Variants in ABCC2 observed in about 807,000 individuals in gnomAD.
ABCC2 encodes ATP-binding cassette sub-family C member 2.
Under a neutral mutation model 173.4 loss-of-function variants are expected in ABCC2, and 157 were observed. The observed-to-expected ratio is 0.91, with a 90% CI of 0.80 to 1.03. ABCC2 has a LOEUF of 1.03. ABCC2 is among the 50% of genes least tolerant of loss of function. The pLI is 0.00. For missense variants in ABCC2, 1,822 were observed against 1,852.3 expected (o/e 0.98, Z 0.30); for synonymous variants, 657 against 693.5 (o/e 0.95, Z 0.83).
chr10:99,786,884 TC>T (rs1319018026), intron 2 of ABCC2, among the ~76,000 whole-genome samples: 1 of 151,876 alleles, frequency 6.6e-6, no homozygotes, highest in African/African-American at 2.4e-5. Flanking sequence ...ACGCCTGTAA[TC>T]CCAGCTACTC....
chr10:99,835,304 A>ATAGCG (rs574488841), intron 24 of ABCC2, among the ~76,000 whole-genome samples: 1 of 152,152 alleles, frequency 6.6e-6, no homozygotes, highest in Non-Finnish European at 1.5e-5. Context: ...CATTGTCACC[A>ATAGCG]TAGCGGCCTT....
intron 10 of ABCC2, 44 bp downstream of exon 10, chr10:99,804,317 TG>T (rs1219319054): frequency 3.7e-6 from 6 of 1,611,950 alleles, no homozygotes; most frequent in African/African-American, 1.3e-5. Flanking sequence ...TTCTTTAAAG[TG>T]TAAACCCTTT....
intron 17 of ABCC2, 91 bp from the exon 18 acceptor site, chr10:99,818,699 A>G (rs1219915585): frequency 6.9e-7 from 1 of 1,440,734 alleles, no homozygotes; most frequent in Non-Finnish European, 9.7e-7. Context: ...CACCTTATTG[A>G]GACAAATTTC....
chr10:99,783,127 C>T (rs1423468811), intron 1 of ABCC2, among the ~76,000 whole-genome samples: 2 of 152,152 alleles, frequency 1.3e-5, no homozygotes, highest in Non-Finnish European at 2.9e-5. Flanking sequence ...CGCAAAATTG[C>T]CTTCTCTAAA....
chr10:99,831,865 G>C (rs1250110625), intron 22 of ABCC2, 35 bp downstream of exon 22: 24 of 1,612,378 alleles, frequency 1.5e-5, no homozygotes, highest in Non-Finnish European at 2.0e-5. Flanking sequence ...TACAGAATCT[G>C]TCTGGACCCT....
chr10:99,851,983 A>C lies in ABCC2; in HGVS notation c.*352A>C. 1 of 210,502 alleles carries C rather than the reference A, an allele frequency of 4.8e-6. No homozygotes were observed. 13.0% of individuals were successfully genotyped at this position (210,502 alleles called of 1,614,324 possible). A position where few individuals can be genotyped will look rare whatever the true frequency, so the allele number is the denominator to read the frequency against. ...CTTTTTTACTTATGTAAATGGACTG[A>C]CTCATACTGCATACATCTTCTATGA... On this transcript the variant is annotated 3_prime_UTR_variant, in exon 32 of 32. Transcript: ENST00000647814.
At chr10:99,815,835 A>C (rs2038398046) in intron 16 of ABCC2, among the ~76,000 whole-genome samples, 1 of 152,248 alleles carries the variant, frequency 6.6e-6, no homozygotes. Flanking sequence ...CAATTTAAAA[A>C]ACATGCGCTA....
At chr10:99,821,207 G>C (rs556631144) in intron 19 of ABCC2, among the ~76,000 whole-genome samples, 1 of 152,370 alleles carries the variant, frequency 6.6e-6, no homozygotes, top group Non-Finnish European at 1.5e-5. Flanking sequence ...CTGCCTGCTT[G>C]TCCCACCTCC....
At chr10:99,834,295 A>G (rs2038784177) in intron 23 of ABCC2, 85 bp from the exon 24 acceptor site, 1 of 1,400,884 alleles carries the variant, frequency 7.1e-7, no homozygotes, top group Non-Finnish European at 1.0e-6. Context: ...ACAGAATCCA[A>G]CAGATTCCTT....
chr10:99,782,680 A>T lies in ABCC2; in HGVS notation c.-165A>T. Reference sequence around the variant, plus strand: ...CACTGTTTCAATGTAACATGCATCTAGGCAAGGTTAACGATTAAATGGTTG... The same window carrying T: ...CACTGTTTCAATGTAACATGCATCTTGGCAAGGTTAACGATTAAATGGTTG... On this transcript the variant is annotated 5_prime_UTR_variant, in exon 1 of 32. The change abolishes the stop of an existing upstream ORF in the 5' untranslated region. Transcript: ENST00000647814. 1.3e-6 allele frequency: 1 copy of T among 787,220 alleles called. No homozygotes were observed. The highest frequency in any genetic ancestry group is 2.1e-6 in the Non-Finnish European group (1 of 477,976). The allele number at this position is 787,220 out of a possible 1,614,324, so 48.8% of individuals were successfully genotyped here. A position where few individuals can be genotyped will look rare whatever the true frequency, so the allele number is the denominator to read the frequency against.
intron 8 of ABCC2, among the ~76,000 whole-genome samples, chr10:99,799,665 T>G (rs1590149686): frequency 6.6e-6 from 1 of 152,258 alleles, no homozygotes; most frequent in Non-Finnish European, 1.5e-5. Flanking sequence ...CAGATCCAAG[T>G]GGCGGGTAGC....
At chr10:99,791,611 A>G (rs1028384103) in intron 2 of ABCC2, among the ~76,000 whole-genome samples, 1 of 152,204 alleles carries the variant, frequency 6.6e-6, no homozygotes, top group Non-Finnish European at 1.5e-5. Flanking sequence ...TGAAGTTCAT[A>G]TGAGCTGTCT....
At chr10:99,802,070 A>G (rs1172305502) in intron 9 of ABCC2, among the ~76,000 whole-genome samples, 1 of 152,234 alleles carries the variant, frequency 6.6e-6, no homozygotes, top group Admixed American at 6.5e-5. Context: ...CATTGCTAGT[A>G]AAGTACACTT....
At position 99,788,224 on chromosome 10, in the gene ABCC2, T is replaced by C. The variant is rs1024760477; in HGVS notation, c.207+3443T>C. Among the ~76,000 whole-genome samples, 30 of 152,330 alleles carry C rather than the reference T, an allele frequency of 2.0e-4. 1 individual carries two copies. The South Asian group carries it at 5.0e-3, about 25-fold the overall frequency. On this transcript the variant is annotated intron_variant, in intron 2 of 31. Transcript: ENST00000647814. Reference sequence around the variant, plus strand: ...ACGTACATATATTTTTTCACACAAATGCTAGCGTCCCATATGTGCTTTTCT... The same window carrying C: ...ACGTACATATATTTTTTCACACAAACGCTAGCGTCCCATATGTGCTTTTCT...
At chr10:99,799,445 C>G (rs1308514314) in intron 8 of ABCC2, 75 bp downstream of exon 8, 2 of 1,519,774 alleles carry the variant, frequency 1.3e-6, no homozygotes, top group Non-Finnish European at 1.8e-6. Context: ...TGTATGCAAG[C>G]AGGAGCTTTT....
At chr10:99,792,462 C>G in intron 3 of ABCC2, 103 bp downstream of exon 3, 6 of 1,546,710 alleles carry the variant, frequency 3.9e-6, no homozygotes, top group South Asian at 1.1e-5. Flanking sequence ...GGTCATCTGT[C>G]TTTTTCGCGG....
chr10:99,844,568 A>G, intron 28 of ABCC2, 103 bp downstream of exon 28: 1 of 1,488,532 alleles, frequency 6.7e-7, no homozygotes. Context: ...ATTTGGATGG[A>G]GGGAAAGGGT....
In ABCC2 at chr10:99,834,377, T is replaced by C; in HGVS notation, c.3259-3T>C. 6.2e-7 allele frequency: 1 copy of C among 1,614,084 alleles called. No individual in the cohort carries two copies. The highest frequency in any genetic ancestry group is 8.5e-7 in the Non-Finnish European group (1 of 1,179,964). The stretch of plus-strand genomic sequence containing the variant: ...GGTGTATCTCTCCTAATCGTTTTCC[T>C]AGGATATTTCCACAGTGGATGACAC... On this transcript the variant is annotated splice_polypyrimidine_tract_variant and splice_region_variant and intron_variant, in intron 23 of 31. Transcript: ENST00000647814.
intron 2 of ABCC2, among the ~76,000 whole-genome samples, chr10:99,789,845 G>T (rs115436395): frequency 7.2e-4 from 110 of 152,186 alleles, no homozygotes; most frequent in African/African-American, 2.6e-3. Context: ...AGAGAAATAT[G>T]TAAAATTTCT....
Sources: allele counts gnomAD v4.1 joint callset (sites outside exome capture counted in the v4.1 genomes callset), GRCh38; gene constraint gnomAD v4.1.1; transcripts MANE v1.5; gene names NCBI Gene and HGNC (gene_info 2026-07-23, HGNC 2026-07-21).